Variants in PCDHGC4 observed in about 807,000 individuals in gnomAD.
PCDHGC4 encodes the protein protocadherin gamma-C4.
Under a neutral mutation model 59.7 loss-of-function variants are expected in PCDHGC4, and 15 were observed. The observed-to-expected ratio is 0.25, with a 90% CI of 0.17 to 0.39. The LOEUF (loss-of-function observed/expected upper bound fraction) is 0.39. PCDHGC4 is among the 10% of genes least tolerant of loss of function. The probability of loss-of-function intolerance (pLI) is 1.00; values close to 1 mark genes in which losing one functional copy is unlikely to be tolerated. For synonymous variants in PCDHGC4, 434 were observed against 481.4 expected, an observed-to-expected ratio of 0.90 and a Z score of 1.29; for missense variants, 1,016 against 1,189.5, an observed-to-expected ratio of 0.85 and a Z score of 2.15.
chr5:141,491,072 C>T lies in PCDHGC4; in HGVS notation c.2442+3457C>T, dbSNP rs778221466. The T allele has an allele frequency of 6.2e-7, 1 of 1,614,204 alleles. No individual in the cohort carries two copies. Among genetic ancestry groups the T allele is most frequent in the South Asian group, 1.1e-5 (1 of 91,086 alleles). On this transcript the variant is annotated intron_variant, in intron 1 of 3. Coordinates refer to ENST00000306593, the MANE Select transcript of PCDHGC4 (RefSeq NM_018928.3). The surrounding 1 kb of genome is among the most constrained non-coding windows in gnomAD (Gnocchi z 6.9). ...GCGTGGCTCTCCTACTCACTGTTGCCACAGTCCACAGCCCCAGGACTGTTC... is the reference window on the plus strand; with the variant it reads ...GCGTGGCTCTCCTACTCACTGTTGCTACAGTCCACAGCCCCAGGACTGTTC...
In PCDHGC4 at chr5:141,490,453, T is replaced by C; in HGVS notation, c.2442+2838T>C. 6.2e-7 allele frequency: 1 copy of C among 1,614,178 alleles called. No homozygotes were observed. Among genetic ancestry groups the C allele is most frequent in the Non-Finnish European group, 8.5e-7 (1 of 1,180,042 alleles). ...GATTAAGCCTTCTGAGAACCACTAC[T>C]CGCTGCTAACCAGCCAGCCTTTGGA... On this transcript the variant is annotated intron_variant, in intron 1 of 3. Coordinates refer to ENST00000306593, the MANE Select transcript of PCDHGC4 (RefSeq NM_018928.3). This position sits in a 1 kb window ranked among gnomAD's most constrained non-coding sequence, Gnocchi z 5.4.
Position 141,511,380 on chromosome 5 carries a change from C to T in PCDHGC4, c.*207C>T, listed in dbSNP as rs896762148. 1.5e-5 allele frequency: 18 copies of T among 1,170,372 alleles called. No homozygotes were observed. The highest frequency in any genetic ancestry group is 3.0e-4 in the Middle Eastern group (1 of 3,384). 72.5% of individuals were successfully genotyped at this position (1,170,372 alleles called of 1,614,324 possible). ...GGGGTTGAATATGCAAAAGCAGTTC[C>T]GCTGGGAACCCCCATCCAATCAACT... is the stretch of plus-strand genomic sequence containing the variant. On this transcript the variant is annotated 3_prime_UTR_variant, in exon 4 of 4. Coordinates refer to ENST00000306593, the MANE Select transcript of PCDHGC4 (RefSeq NM_018928.3).
chr5:141,486,671 C>T lies in PCDHGC4; in HGVS notation c.1498C>T (p.Arg500Ter), dbSNP rs1307620045. The T allele has an allele frequency of 1.9e-6, 3 of 1,613,926 alleles. No homozygotes were observed. Among genetic ancestry groups the T allele is most frequent in the South Asian group, 1.1e-5 (1 of 91,078 alleles). The change falls in exon 1 of 4, where the codon CGA becomes TGA. Residue 500 changes from arginine (R) to a stop codon, truncating the protein, a stop_gained. Coordinates refer to ENST00000306593, the MANE Select transcript of PCDHGC4 (RefSeq NM_018928.3). LOFTEE classifies it high-confidence loss of function. This position sits in a 1 kb window ranked among gnomAD's most constrained non-coding sequence, Gnocchi z 5.0. The part of the protein sequence containing the change: ...ISYSLLEPRN[R>*]DVSASSFISL... Reference sequence around the variant, plus strand: ...CTACTCACTCCTGGAGCCCAGGAATCGAGATGTATCAGCTTCCTCTTTCAT... The same window carrying T: ...CTACTCACTCCTGGAGCCCAGGAATTGAGATGTATCAGCTTCCTCTTTCAT...
At position 141,489,063 on chromosome 5, in the gene PCDHGC4, C is replaced by A; in HGVS notation, c.2442+1448C>A. ...CTCCACTCAAATTCAGCTCCCCTCC[C>A]CCCTGCCCACCCCCGCCACTCGGTG... On this transcript the variant is annotated intron_variant, in intron 1 of 3. Coordinates refer to ENST00000306593, the MANE Select transcript of PCDHGC4 (RefSeq NM_018928.3). This position sits in a 1 kb window ranked among gnomAD's most constrained non-coding sequence, Gnocchi z 4.5. 2.6e-6 allele frequency: 1 copy of A among 384,986 alleles called. No individual in the cohort carries two copies. Among genetic ancestry groups the A allele is most frequent in the East Asian group, 4.5e-5 (1 of 22,374 alleles). 23.8% of individuals were successfully genotyped at this position (384,986 alleles called of 1,614,324 possible). A position where few individuals can be genotyped will look rare whatever the true frequency, so the allele number is the denominator to read the frequency against.
intron 2 of PCDHGC4, among the ~76,000 whole-genome samples, chr5:141,503,909 C>T (rs904260329): frequency 1.3e-5 from 2 of 152,156 alleles, no homozygotes; most frequent in Admixed American, 1.3e-4. Flanking sequence ...ACACACACAA[C>T]GCAACACACA....
At chr5:141,488,478 A>T (rs1251914951) in intron 1 of PCDHGC4, among the ~76,000 whole-genome samples, 5 of 152,072 alleles carry the variant, frequency 3.3e-5, no homozygotes, top group African/African-American at 4.8e-5. Flanking sequence ...ATGTTCCCCT[A>T]CCCAAAAACT....
chr5:141,497,540 CTT>C (rs754207034), intron 2 of PCDHGC4, among the ~76,000 whole-genome samples: 114 of 134,852 alleles, frequency 8.5e-4, no homozygotes, highest in Middle Eastern at 3.7e-3. Context: ...TGCAACAAAC[CTT>C]TTTTTTTTTT....
chr5:141,510,959 G>A lies in PCDHGC4; in HGVS notation c.2603G>A (p.Gly868Glu). 6.2e-7 allele frequency: 1 copy of A among 1,614,110 alleles called. No individual in the cohort carries two copies. Among genetic ancestry groups the A allele is most frequent in the Non-Finnish European group, 8.5e-7 (1 of 1,180,012 alleles). Residue 868 changes from glycine to glutamate, a missense_variant, in exon 4 of 4, where the codon GGG becomes GAG. Coordinates refer to ENST00000306593, the MANE Select transcript of PCDHGC4 (RefSeq NM_018928.3). ...TCTGTCTCTGCAGAAGCTGCTGATG[G>A]GAGCTCCACCCTGGGAGGGGGTGCC... ...ILASASEAADGSSTLGGGAGT... is the reference protein window; with the variant it reads ...ILASASEAADESSTLGGGAGT...
chr5:141,489,300 C>A lies in PCDHGC4; in HGVS notation c.2442+1685C>A. On this transcript the variant is annotated intron_variant, in intron 1 of 3. Coordinates refer to ENST00000306593, the MANE Select transcript of PCDHGC4 (RefSeq NM_018928.3). The surrounding 1 kb of genome is among the most constrained non-coding windows in gnomAD (Gnocchi z 4.5). ...AATGGCAAGTGCTGTGCATGTTGTC[C>A]TTGTGCTGCTGGGGCTGGGTGTCTG... 1 of 1,585,698 alleles carries A rather than the reference C, an allele frequency of 6.3e-7. No homozygotes were observed. Among genetic ancestry groups the A allele is most frequent in the South Asian group, 1.2e-5 (1 of 85,012 alleles).
chr5:141,504,241 A>G (rs1282647590), intron 2 of PCDHGC4, among the ~76,000 whole-genome samples: 1 of 152,156 alleles, frequency 6.6e-6, no homozygotes, highest in Non-Finnish European at 1.5e-5. Flanking sequence ...AGAAGCAGAG[A>G]GTTCTTCTTA....
chr5:141,509,199 GTCTC>G (rs1017134758), intron 3 of PCDHGC4, among the ~76,000 whole-genome samples: 4 of 152,070 alleles, frequency 2.6e-5, no homozygotes, highest in Admixed American at 2.0e-4. Context: ...AATATTTCCT[GTCTC>G]TCTATTTCTC....
chr5:141,509,143 C>G (rs1022878562), intron 3 of PCDHGC4, among the ~76,000 whole-genome samples: 1 of 152,256 alleles, frequency 6.6e-6, no homozygotes, highest in African/African-American at 2.4e-5. Context: ...AGGCGCATCC[C>G]GGCTCTCCCC....
In PCDHGC4 at chr5:141,487,087, C is replaced by G. The variant is rs752261507; in HGVS notation, c.1914C>G (p.Leu638=). 1.2e-6 allele frequency: 2 copies of G among 1,613,890 alleles called. No homozygotes were observed. Among genetic ancestry groups the G allele is most frequent in the Non-Finnish European group, 1.7e-6 (2 of 1,179,804 alleles). ...VRTAVPIPAD[L]PPQKLVIVVK... ...CGGCTGTTCCTATCCCAGCTGACCT[C>G]CCACCACAGAAGCTGGTCATTGTGG... Residue 638 remains leucine, a synonymous_variant, in exon 1 of 4, where the codon CTC becomes CTG. Transcript: ENST00000306593. The surrounding 1 kb of genome is among the most constrained non-coding windows in gnomAD (Gnocchi z 5.0).
Position 141,491,094 on chromosome 5 carries a change from G to T in PCDHGC4, c.2442+3479G>T. ...TGCCACAGTCCACAGCCCCAGGACT[G>T]TTCCTCGTGTCTACACACACTGGTG... On this transcript the variant is annotated intron_variant, in intron 1 of 3. Transcript: ENST00000306593. This position sits in a 1 kb window ranked among gnomAD's most constrained non-coding sequence, Gnocchi z 6.9. The T allele has an allele frequency of 6.2e-7, 1 of 1,614,202 alleles. No homozygotes were observed. The highest frequency in any genetic ancestry group is 1.1e-5 in the South Asian group (1 of 91,086).
chr5:141,487,905 G>C lies in PCDHGC4; in HGVS notation c.2442+290G>C. The C allele has an allele frequency of 1.5e-6, 1 of 686,388 alleles. No individual in the cohort carries two copies. 42.5% of individuals were successfully genotyped at this position (686,388 alleles called of 1,614,324 possible). On this transcript the variant is annotated intron_variant, in intron 1 of 3. Transcript: ENST00000306593. This position sits in a 1 kb window ranked among gnomAD's most constrained non-coding sequence, Gnocchi z 5.0. ...GTGGAAGCATGATGATGGAATGTGG[G>C]AGCACAGGAGGCTACAGTGCACAGG...
At chr5:141,502,499 C>A (rs552402476) in intron 2 of PCDHGC4, among the ~76,000 whole-genome samples, 12 of 152,122 alleles carry the variant, frequency 7.9e-5, no homozygotes, top group Non-Finnish European at 2.9e-5. Flanking sequence ...CATCTAACGT[C>A]GGCCTGTCCC....
At chr5:141,507,120 T>TA (rs1256499995) in intron 3 of PCDHGC4, 2 of 152,206 alleles carry the variant, frequency 1.3e-5, no homozygotes, top group African/African-American at 4.8e-5. Context: ...TGGCTGCCTT[T>TA]GGATCCAGCC....
chr5:141,498,103 G>C (rs2099781622), intron 2 of PCDHGC4, among the ~76,000 whole-genome samples: 1 of 152,216 alleles, frequency 6.6e-6, no homozygotes. Context: ...GGTGGTGTGG[G>C]CGTATAATAG....
Position 141,489,791 on chromosome 5 carries a change from C to G in PCDHGC4, c.2442+2176C>G. ...AGCCACTTCTCTCTGAATGTGAAGA[C>G]CCTAAAAGATGGGAAGCCATTCCCA... On this transcript the variant is annotated intron_variant, in intron 1 of 3. Transcript: ENST00000306593. The surrounding 1 kb of genome is among the most constrained non-coding windows in gnomAD (Gnocchi z 4.5). 2 of 1,614,174 alleles carry G rather than the reference C, an allele frequency of 1.2e-6. No individual in the cohort carries two copies. The highest frequency in any genetic ancestry group is 1.7e-6 in the Non-Finnish European group (2 of 1,180,002).
Sources: allele counts gnomAD v4.1 joint callset (sites outside exome capture counted in the v4.1 genomes callset), GRCh38; gene constraint gnomAD v4.1.1; non-coding constraint Gnocchi (gnomAD v3.1); transcripts MANE v1.5; gene names NCBI Gene and HGNC (gene_info 2026-07-23, HGNC 2026-07-21).